Variants in PLCB1 observed in about 807,000 individuals in gnomAD.
The protein encoded by PLCB1 is 1-phosphatidylinositol 4,5-bisphosphate phosphodiesterase beta-1.
Under a neutral mutation model 161.8 loss-of-function variants are expected in PLCB1, and 46 were observed. The ratio of observed to expected loss-of-function variants is 0.28; its 90% CI spans 0.22 to 0.36. The LOEUF is 0.36. Among genes scored for constraint, PLCB1 ranks in the 10% least tolerant of loss-of-function variants. The pLI is 1.00. For synonymous variants in PLCB1, 517 were observed against 503.7 expected, an observed-to-expected ratio of 1.03 and a Z score of -0.35; for missense variants, 1,016 against 1,472.5, an observed-to-expected ratio of 0.69 and a Z score of 5.07.
chr20:8,460,731 A>G (rs1264474462), intron 3 of PLCB1, among the ~76,000 whole-genome samples: 1 of 152,202 alleles, frequency 6.6e-6, no homozygotes, highest in African/African-American at 2.4e-5. Context: ...GGTTGTGACT[A>G]TTTGAAGAAA....
intron 2 of PLCB1, among the ~76,000 whole-genome samples, chr20:8,175,265 A>G (rs2051770887): frequency 6.6e-6 from 1 of 152,158 alleles, no homozygotes; most frequent in African/African-American, 2.4e-5. Context: ...AACAAATAAT[A>G]AAAAGGCAGA....
At chr20:8,321,294 T>C (rs1984908933) in intron 2 of PLCB1, among the ~76,000 whole-genome samples, 3 of 152,178 alleles carry the variant, frequency 2.0e-5, no homozygotes, top group Admixed American at 6.5e-5. Flanking sequence ...TGATTTGAAA[T>C]AGATTTTAAA....
intron 31 of PLCB1, among the ~76,000 whole-genome samples, chr20:8,844,920 C>T (rs1986635336): frequency 6.6e-6 from 1 of 151,856 alleles, no homozygotes; most frequent in African/African-American, 2.4e-5. Context: ...ACCATCCTGG[C>T]TAACATGGTG....
chr20:8,384,792 G>A (rs1447234629), intron 3 of PLCB1, among the ~76,000 whole-genome samples: 1 of 152,102 alleles, frequency 6.6e-6, no homozygotes. Context: ...CTTCTATAGG[G>A]CTGCTGCAGT....
chr20:8,869,723 A>G (rs1195993179), intron 31 of PLCB1, among the ~76,000 whole-genome samples: 1 of 152,204 alleles, frequency 6.6e-6, no homozygotes, highest in African/African-American at 2.4e-5. Context: ...GGTTCAGCTG[A>G]TCTTGGCTGA....
chr20:8,825,106 T>C (rs1985627455), intron 31 of PLCB1, among the ~76,000 whole-genome samples: 1 of 152,208 alleles, frequency 6.6e-6, no homozygotes, highest in Admixed American at 6.5e-5. Flanking sequence ...TTTTTGAATG[T>C]ATTCAATATG....
intron 4 of PLCB1, among the ~76,000 whole-genome samples, chr20:8,632,035 C>CTTTT (rs34028351): frequency 0.012 from 568 of 45,874 alleles, 63 homozygotes; most frequent in East Asian, 0.084. Flanking sequence ...GTTTTTTTTG[C>CTTTT]TTTTTTTTTT....
At chr20:8,616,538 T>C (rs983798396) in intron 3 of PLCB1, among the ~76,000 whole-genome samples, 1 of 152,190 alleles carries the variant, frequency 6.6e-6, no homozygotes, top group Non-Finnish European at 1.5e-5. Context: ...GCCCGTTTCC[T>C]TGCCAGAATG....
chr20:8,243,190 C>T lies in PLCB1; in HGVS notation c.177+92819C>T, dbSNP rs186612783. ...ACAGTAATAACAGATGAGTTCTGTTCGGTAGGGAAAACTCTAGAAGCAAGC... is the reference window on the plus strand; with the variant it reads ...ACAGTAATAACAGATGAGTTCTGTTTGGTAGGGAAAACTCTAGAAGCAAGC... On this transcript the variant is annotated intron_variant, in intron 2 of 31. Coordinates refer to ENST00000338037, the MANE Select transcript of PLCB1 (RefSeq NM_015192.4). Among the ~76,000 whole-genome samples, 436 of 152,034 alleles carry T rather than the reference C, an allele frequency of 2.9e-3. 9 individuals carry two copies. Among genetic ancestry groups the T allele is most frequent in the Middle Eastern group, 3.4e-3 (1 of 294 alleles).
chr20:8,767,471 T>A (rs1982382329), intron 26 of PLCB1, among the ~76,000 whole-genome samples: 1 of 152,174 alleles, frequency 6.6e-6, no homozygotes, highest in Non-Finnish European at 1.5e-5. Context: ...GTTCCCACCA[T>A]GATGAGATAG....
At chr20:8,173,305 C>T (rs963925428) in intron 2 of PLCB1, among the ~76,000 whole-genome samples, 2 of 152,130 alleles carry the variant, frequency 1.3e-5, no homozygotes, top group African/African-American at 2.4e-5. Flanking sequence ...TCTCCATAGA[C>T]CCAAGATGCT....
At chr20:8,497,652 A>G (rs1983233597) in intron 3 of PLCB1, among the ~76,000 whole-genome samples, 1 of 152,104 alleles carries the variant, frequency 6.6e-6, no homozygotes, top group Non-Finnish European at 1.5e-5. Flanking sequence ...TGATTTTATG[A>G]TCCATGTATT....
chr20:8,175,118 C>T (rs925208277), intron 2 of PLCB1, among the ~76,000 whole-genome samples: 1 of 151,722 alleles, frequency 6.6e-6, no homozygotes, highest in African/African-American at 2.4e-5. Flanking sequence ...TTTGCACCAA[C>T]CTAATAACAA....
intron 2 of PLCB1, among the ~76,000 whole-genome samples, chr20:8,280,534 C>G (rs1197060023): frequency 6.6e-6 from 1 of 151,986 alleles, no homozygotes; most frequent in East Asian, 1.9e-4. Context: ...TGACCTGGAT[C>G]AAATGACTGC....
intron 2 of PLCB1, among the ~76,000 whole-genome samples, chr20:8,180,121 G>T (rs955577136): frequency 2.6e-5 from 4 of 151,984 alleles, no homozygotes; most frequent in Non-Finnish European, 5.9e-5. Flanking sequence ...GCCTCCCAAA[G>T]TGCTGGGATT....
intron 3 of PLCB1, among the ~76,000 whole-genome samples, chr20:8,622,241 A>C (rs1273269500): frequency 2.6e-5 from 4 of 150,982 alleles, no homozygotes; most frequent in African/African-American, 9.7e-5. Context: ...TGACAGAGCA[A>C]GACTCTGCCT....
chr20:8,475,767 T>C (rs1357211494), intron 3 of PLCB1, among the ~76,000 whole-genome samples: 3 of 152,140 alleles, frequency 2.0e-5, no homozygotes, highest in South Asian at 4.1e-4. Context: ...AGAAAAACAA[T>C]AGGATAATCA....
chr20:8,187,431 A>ACTC (rs979202981), intron 2 of PLCB1, among the ~76,000 whole-genome samples: 1 of 151,694 alleles, frequency 6.6e-6, no homozygotes, highest in African/African-American at 2.4e-5. Flanking sequence ...AAAGTTCTAA[A>ACTC]CTCTGGTGCC....
intron 2 of PLCB1, among the ~76,000 whole-genome samples, chr20:8,295,297 G>A (rs1339608722): frequency 6.6e-6 from 1 of 152,064 alleles, no homozygotes. Flanking sequence ...ACAAATGTGT[G>A]ATACACATAT....
Sources: gnomAD v4.1 joint callset for allele counts (sites outside exome capture counted in the v4.1 genomes callset) on GRCh38, gnomAD v4.1.1 for gene constraint, MANE v1.5 for transcripts, NCBI Gene and HGNC (gene_info 2026-07-23, HGNC 2026-07-21) for gene names.